ARL15: variants seen among roughly 807,000 people sequenced by gnomAD.
The protein encoded by ARL15 is ADP-ribosylation factor-like protein 15.
ARL15 carries 19 observed loss-of-function variants against 25.2 expected under a neutral mutation model. The observed-to-expected ratio is 0.75, with a 90% confidence interval of 0.53 to 1.10. The LOEUF (loss-of-function observed/expected upper bound fraction) is 1.10. ARL15 is among the 50% of genes least tolerant of loss of function. The pLI is 0.00. For synonymous variants in ARL15, 94 were observed against 86.8 expected (o/e 1.08, Z -0.46); for missense variants, 220 against 246.0 (o/e 0.89, Z 0.71).
intron 1 of ARL15, among the ~76,000 whole-genome samples, chr5:54,257,139 C>T (rs569326752): frequency 6.6e-5 from 10 of 152,158 alleles, no homozygotes; most frequent in East Asian, 5.8e-4. Context: ...TTGGAAAAGA[C>T]GATGTCAAAC....
chr5:53,892,038 C>T (rs1580053728), intron 4 of ARL15, among the ~76,000 whole-genome samples: 4 of 152,130 alleles, frequency 2.6e-5, no homozygotes, highest in Admixed American at 2.6e-4. Context: ...CATAAAAGAC[C>T]GTTTAATACT....
chr5:53,934,921 T>C (rs1580095100), intron 4 of ARL15, among the ~76,000 whole-genome samples: 1 of 152,350 alleles, frequency 6.6e-6, no homozygotes, highest in Non-Finnish European at 1.5e-5. Flanking sequence ...CAATGGCTGC[T>C]ATGATCTGAT....
chr5:54,080,325 T>A (rs1038120410), intron 4 of ARL15, among the ~76,000 whole-genome samples: 2 of 152,236 alleles, frequency 1.3e-5, no homozygotes, highest in Non-Finnish European at 2.9e-5. Context: ...CGCACATAAT[T>A]CATTCAGTGC....
At chr5:53,999,250 A>G (rs1370845727) in intron 4 of ARL15, among the ~76,000 whole-genome samples, 1 of 152,254 alleles carries the variant, frequency 6.6e-6, no homozygotes, top group Non-Finnish European at 1.5e-5. Context: ...CAATGCTAAA[A>G]TAAGCTCAGG....
At chr5:54,284,324 C>T (rs1381807176) in intron 1 of ARL15, among the ~76,000 whole-genome samples, 2 of 152,130 alleles carry the variant, frequency 1.3e-5, no homozygotes, top group Non-Finnish European at 1.5e-5. Flanking sequence ...AGGCTGGTCT[C>T]GAACTCCTGA....
intron 4 of ARL15, among the ~76,000 whole-genome samples, chr5:53,947,072 T>C (rs922481648): frequency 6.6e-6 from 1 of 152,036 alleles, no homozygotes; most frequent in Middle Eastern, 3.2e-3. Context: ...TGTTAAATCT[T>C]AGTTGGTGCT....
chr5:54,018,162 G>C (rs1323683992), intron 4 of ARL15, among the ~76,000 whole-genome samples: 1 of 152,036 alleles, frequency 6.6e-6, no homozygotes, highest in African/African-American at 2.4e-5. Flanking sequence ...GTTTACATAA[G>C]CACAAAAACT....
chr5:53,966,407 T>C (rs1411023058), intron 4 of ARL15, among the ~76,000 whole-genome samples: 2 of 152,132 alleles, frequency 1.3e-5, no homozygotes, highest in Non-Finnish European at 2.9e-5. Flanking sequence ...AATAAAGCGG[T>C]AAATGTAAGT....
At chr5:54,131,459 T>C (rs77252741) in intron 3 of ARL15, among the ~76,000 whole-genome samples, 2,286 of 152,296 alleles carry the variant, frequency 0.015, 50 homozygotes, top group African/African-American at 0.051. Context: ...TAAGCCTGCA[T>C]TAAATGCCAT....
intron 4 of ARL15, among the ~76,000 whole-genome samples, chr5:54,003,301 T>C (rs1190618353): frequency 6.6e-6 from 1 of 152,210 alleles, no homozygotes; most frequent in Non-Finnish European, 1.5e-5. Context: ...AATGAAGCTG[T>C]ATCTCTTTGC....
At chr5:54,207,834 A>G (rs1362168720) in intron 1 of ARL15, among the ~76,000 whole-genome samples, 2 of 152,200 alleles carry the variant, frequency 1.3e-5, no homozygotes, top group African/African-American at 4.8e-5. Flanking sequence ...GATCTCTTTA[A>G]AGAAGGACTT....
chr5:53,892,554 T>G (rs1000033808), intron 4 of ARL15, among the ~76,000 whole-genome samples: 17 of 152,086 alleles, frequency 1.1e-4, no homozygotes, highest in Non-Finnish European at 2.4e-4. Context: ...ATCATGGTTT[T>G]GGGATGGATT....
chr5:53,906,977 T>C (rs536688880), intron 4 of ARL15, among the ~76,000 whole-genome samples: 2 of 152,264 alleles, frequency 1.3e-5, no homozygotes, highest in Admixed American at 6.5e-5. Context: ...AATGTGAATT[T>C]ATAGTTTTTT....
chr5:54,197,467 A>G (rs770618976), intron 1 of ARL15, among the ~76,000 whole-genome samples: 2 of 152,124 alleles, frequency 1.3e-5, no homozygotes, highest in African/African-American at 4.8e-5. Context: ...CATTTCTTAC[A>G]AGCACTCTGT....
At chr5:54,198,617 C>T (rs1000620202) in intron 1 of ARL15, among the ~76,000 whole-genome samples, 2 of 148,710 alleles carry the variant, frequency 1.3e-5, no homozygotes, top group Non-Finnish European at 3.0e-5. Context: ...TCAAGGAGAA[C>T]TACAAACCAC....
intron 1 of ARL15, among the ~76,000 whole-genome samples, chr5:54,226,157 C>A (rs1346066982): frequency 1.3e-5 from 2 of 152,072 alleles, no homozygotes; most frequent in Non-Finnish European, 2.9e-5. Flanking sequence ...CTAAGGATGC[C>A]AGTGAGCCAA....
At chr5:54,090,809 T>C (rs1368531082) in intron 4 of ARL15, among the ~76,000 whole-genome samples, 2 of 152,134 alleles carry the variant, frequency 1.3e-5, no homozygotes. Context: ...AAAGTACACA[T>C]ACTTCTACAA....
At chr5:54,153,673 G>A (rs774741653) in intron 3 of ARL15, among the ~76,000 whole-genome samples, 41 of 152,046 alleles carry the variant, frequency 2.7e-4, no homozygotes, top group Admixed American at 2.3e-3. Context: ...TACACATAGC[G>A]AACTGAAAAC....
chr5:53,992,346 T>A (rs1053118337), intron 4 of ARL15, among the ~76,000 whole-genome samples: 2 of 152,190 alleles, frequency 1.3e-5, no homozygotes, highest in African/African-American at 4.8e-5. Context: ...CCTGAATGAC[T>A]GAACAATGTC....
Sources: allele counts gnomAD v4.1 joint callset (sites outside exome capture counted in the v4.1 genomes callset), GRCh38; gene constraint gnomAD v4.1.1; transcripts MANE v1.5; gene names NCBI Gene and HGNC (gene_info 2026-07-23, HGNC 2026-07-21).